Variants in PPEF1 observed in about 807,000 individuals in gnomAD.
PPEF1 encodes protein phosphatase with EF-hand domain 1, also known as serine/threonine-protein phosphatase with EF-hands 1.
A neutral mutation model predicts 53.3 loss-of-function variants in PPEF1; 12 were observed. The ratio of observed to expected loss-of-function variants is 0.23; its 90% CI spans 0.14 to 0.36. The LOEUF (loss-of-function observed/expected upper bound fraction) is 0.36. Among genes scored for constraint, PPEF1 ranks in the 10% least tolerant of loss-of-function variants. The pLI, the probability that PPEF1 is intolerant of heterozygous loss-of-function variation, is 1.00. For synonymous variants in PPEF1, 165 were observed against 176.7 expected, an observed-to-expected ratio of 0.93 and a Z score of 0.52; for missense variants, 334 against 490.4, an observed-to-expected ratio of 0.68 and a Z score of 3.01.
chrX:18,796,049 G>A (rs1039573014), intron 10 of PPEF1, among the ~76,000 whole-genome samples: 5 of 112,067 alleles, frequency 4.5e-5, no homozygotes, highest in Non-Finnish European at 9.4e-5. Flanking sequence ...TCCACCTCCT[G>A]GGTTTAGGCA....
At chrX:18,717,304 C>A (rs912504735) in intron 1 of PPEF1, among the ~76,000 whole-genome samples, 2 of 108,698 alleles carry the variant, frequency 1.8e-5, no homozygotes, top group Non-Finnish European at 3.8e-5. Flanking sequence ...TATATAACTA[C>A]AATACTAGAT....
chrX:18,740,762 C>T (rs1223880790), intron 3 of PPEF1, among the ~76,000 whole-genome samples: 1 of 111,035 alleles, frequency 9.0e-6, no homozygotes, highest in African/African-American at 3.3e-5. Context: ...CATTCTGAAG[C>T]AGAGGCAGGC....
chrX:18,823,587 A>G (rs2047107190), intron 13 of PPEF1, among the ~76,000 whole-genome samples: 2 of 109,681 alleles, frequency 1.8e-5, no homozygotes, highest in Non-Finnish European at 3.8e-5. Context: ...AGATGGCACC[A>G]CTGCACTCCA....
intron 3 of PPEF1, among the ~76,000 whole-genome samples, chrX:18,741,612 G>C (rs997629842): frequency 1.8e-5 from 2 of 109,346 alleles, no homozygotes; most frequent in African/African-American, 6.7e-5. Context: ...AACATGATCA[G>C]GGCCACATAA....
At chrX:18,804,743 A>G (rs1389281461) in intron 11 of PPEF1, among the ~76,000 whole-genome samples, 2 of 112,242 alleles carry the variant, frequency 1.8e-5, no homozygotes, top group Non-Finnish European at 1.9e-5. Flanking sequence ...CAGTGAATCC[A>G]GTTTGCTCTT....
At chrX:18,684,154 C>T (rs368712448) in intron 1 of PPEF1, among the ~76,000 whole-genome samples, 2 of 111,810 alleles carry the variant, frequency 1.8e-5, no homozygotes, top group Admixed American at 9.6e-5. Flanking sequence ...TGCAATATGT[C>T]TGGGAACACA....
intron 6 of PPEF1, among the ~76,000 whole-genome samples, chrX:18,763,285 G>T (rs1057329331): frequency 9.0e-6 from 1 of 111,282 alleles, no homozygotes; most frequent in Admixed American, 9.6e-5. Context: ...GTTTGTGGAG[G>T]CCTGGGGAGT....
In PPEF1 at chrX:18,761,689, T is replaced by C. The variant is rs1427950802; in HGVS notation, c.558+113T>C. The C allele has an allele frequency of 2.0e-5, 10 of 509,608 alleles. No individual in the cohort carries two copies. The Admixed American group carries it at 3.4e-4, about 17-fold the overall frequency. The allele number at this position is 509,608 out of a possible 1,213,427, so 42.0% of individuals were successfully genotyped here. On this transcript the variant is annotated intron_variant, in intron 6 of 15. Transcript: ENST00000470157. ...TGTACTAATACAGATATAATGTTAC[T>C]GTTTTTAACCAGGAGGCTCAAAGAT...
At chrX:18,684,252 G>A (rs1481220927) in intron 1 of PPEF1, among the ~76,000 whole-genome samples, 1 of 111,694 alleles carries the variant, frequency 9.0e-6, no homozygotes, top group Non-Finnish European at 1.9e-5. Context: ...TAACCCAAAG[G>A]ACTCATTTGT....
intron 4 of PPEF1, among the ~76,000 whole-genome samples, chrX:18,752,350 T>G (rs192027283): frequency 9.0e-6 from 1 of 111,496 alleles, no homozygotes; most frequent in African/African-American, 3.2e-5. Flanking sequence ...ATATACTTGT[T>G]AGCTCTAGTA....
At chrX:18,693,894 A>G (rs1929559225) in intron 4 of PPEF1, among the ~76,000 whole-genome samples, 1 of 112,013 alleles carries the variant, frequency 8.9e-6, no homozygotes, top group Non-Finnish European at 1.9e-5. Flanking sequence ...ACACATGGAT[A>G]GATTAGCATA....
chrX:18,695,817 C>T (rs776178705), intron 4 of PPEF1, among the ~76,000 whole-genome samples: 26 of 112,312 alleles, frequency 2.3e-4, no homozygotes, highest in African/African-American at 6.1e-4. Context: ...TGGAGCCTTT[C>T]GAAAGCTGAA....
chrX:18,805,725 A>AC (rs1048979852), intron 11 of PPEF1, among the ~76,000 whole-genome samples: 1 of 109,300 alleles, frequency 9.1e-6, no homozygotes, highest in African/African-American at 3.3e-5. Context: ...CACCTGTAGT[A>AC]CCAGCTACTC....
rs370646101 is a variant in PPEF1 at position 18,796,275 on chromosome X, C to T, written c.1065+7002C>T. 7.1e-4 allele frequency among the ~76,000 whole-genome samples: 80 copies of T among 112,603 alleles called. 1 individual carries two copies. The highest frequency in any genetic ancestry group is 2.3e-3 in the African/African-American group (72 of 31,018). On this transcript the variant is annotated intron_variant, in intron 10 of 15. Coordinates refer to ENST00000470157, the MANE Select transcript of PPEF1 (RefSeq NM_001377996.1). ...CCGGCCCCAGAACTCTGGTTTTCAA[C>T]TTCTTACATGGGAATGTTATGACCT...
chrX:18,681,494 T>A (rs1569237964), upstream of PPEF1, among the ~76,000 whole-genome samples: 1 of 111,454 alleles, frequency 9.0e-6, no homozygotes, highest in Non-Finnish European at 1.9e-5. Context: ...GGCAATGAGT[T>A]CCAGTAAGAG....
chrX:18,782,060 T>C (rs936397726), intron 7 of PPEF1, among the ~76,000 whole-genome samples: 1 of 112,352 alleles, frequency 8.9e-6, no homozygotes, highest in African/African-American at 3.2e-5. Flanking sequence ...TCTGCATACT[T>C]GTAGCGTTTA....
intron 4 of PPEF1, among the ~76,000 whole-genome samples, chrX:18,694,311 G>A (rs1335391746): frequency 9.0e-6 from 1 of 111,628 alleles, no homozygotes; most frequent in East Asian, 2.8e-4. Context: ...GAGTAGGATT[G>A]CTGTCGTATG....
chrX:18,718,166 C>T lies in PPEF1; in HGVS notation c.46+10340C>T, dbSNP rs185202945. Among the ~76,000 whole-genome samples the T allele has an allele frequency of 4.7e-3, 522 of 112,167 alleles. 4 individuals carry two copies. Among genetic ancestry groups the T allele is most frequent in the Middle Eastern group, 0.019 (4 of 216 alleles). On this transcript the variant is annotated intron_variant, in intron 1 of 15. Coordinates refer to ENST00000470157, the MANE Select transcript of PPEF1 (RefSeq NM_001377996.1). ...TATTCTTTACACCAATTAAATACAT[C>T]TTCATCTTTTTATTTGCTGTGTGAT...
At chrX:18,760,584 C>T (rs763982982) in intron 5 of PPEF1, among the ~76,000 whole-genome samples, 2 of 109,921 alleles carry the variant, frequency 1.8e-5, no homozygotes, top group Non-Finnish European at 3.8e-5. Flanking sequence ...ACAGAATAAT[C>T]GCTAAGAGCC....
Sources: allele counts gnomAD v4.1 joint callset (sites outside exome capture counted in the v4.1 genomes callset), GRCh38; gene constraint gnomAD v4.1.1; transcripts MANE v1.5; gene names NCBI Gene and HGNC (gene_info 2026-07-23, HGNC 2026-07-21).